Variants in INSR observed in about 807,000 individuals in gnomAD.
INSR encodes IR.
INSR carries 67 observed loss-of-function variants against 142.6 expected under a neutral mutation model. That is an observed-to-expected ratio of 0.47 (90% CI 0.39 to 0.58). The LOEUF (loss-of-function observed/expected upper bound fraction) is 0.58. Among genes scored for constraint, INSR ranks in the 20% least tolerant of loss-of-function variants. INSR has a pLI of 0.00. For missense variants in INSR, 1,248 were observed against 1,833.2 expected (o/e 0.68, Z 5.83); for synonymous variants, 756 against 743.1 (o/e 1.02, Z -0.28).
chr19:7,192,518 G>A lies in INSR; in HGVS notation c.653-7881C>T, dbSNP rs1974631077. ...CTGATCCCCCTCATTGACACGTAAT[G>A]AGCCCAAGTGTCCGTTCCTGCCCAA... is the stretch of plus-strand genomic sequence containing the variant. On this transcript the variant is annotated intron_variant, in intron 2 of 21. Transcript: ENST00000302850. The surrounding 1 kb of genome is among the most constrained non-coding windows in gnomAD (Gnocchi z 4.2). 6.6e-6 allele frequency among the ~76,000 whole-genome samples: 1 copy of A among 152,094 alleles called. No individual in the cohort carries two copies.
intron 11 of INSR, among the ~76,000 whole-genome samples, chr19:7,146,236 C>CTTTTTTTTTTTT (rs35961932): frequency 9.0e-6 from 1 of 110,728 alleles, no homozygotes; most frequent in Admixed American, 9.3e-5. Flanking sequence ...TTGTCAAGTT[C>CTTTTTTTTTTTT]TTTTTTTTTT....
chr19:7,291,871 C>G (rs1968500673), intron 1 of INSR, among the ~76,000 whole-genome samples: 1 of 152,158 alleles, frequency 6.6e-6, no homozygotes, highest in Non-Finnish European at 1.5e-5. Context: ...TGGCTCACTG[C>G]AAGCTCCGCC....
intron 2 of INSR, among the ~76,000 whole-genome samples, chr19:7,247,472 T>TCC (rs1308673626): frequency 3.3e-5 from 5 of 152,124 alleles, no homozygotes; most frequent in Non-Finnish European, 4.4e-5. Flanking sequence ...CCCAAGCCAC[T>TCC]CCTTCCTCTC....
At chr19:7,236,241 C>A (rs914239518) in intron 2 of INSR, among the ~76,000 whole-genome samples, 1 of 152,090 alleles carries the variant, frequency 6.6e-6, no homozygotes, top group Non-Finnish European at 1.5e-5. Context: ...GGATTACAAG[C>A]ATGAGCCACC....
chr19:7,187,663 C>T (rs756428219), intron 2 of INSR, among the ~76,000 whole-genome samples: 15 of 152,092 alleles, frequency 9.9e-5, no homozygotes, highest in African/African-American at 1.2e-4. Flanking sequence ...GCCTCAATCT[C>T]CTGGGCTCAG....
intron 21 of INSR, among the ~76,000 whole-genome samples, chr19:7,118,446 T>C (rs1972392837): frequency 6.6e-6 from 1 of 151,660 alleles, no homozygotes; most frequent in Non-Finnish European, 1.5e-5. Context: ...GCCTCCTGAG[T>C]AGCTGGGATT....
At chr19:7,251,534 T>C (rs1039799473) in intron 2 of INSR, among the ~76,000 whole-genome samples, 2 of 151,932 alleles carry the variant, frequency 1.3e-5, no homozygotes, top group Non-Finnish European at 2.9e-5. Context: ...GTGCTGAGAT[T>C]ACAGGCATGA....
chr19:7,116,974 A>T lies in INSR; in HGVS notation c.*82T>A. 1 of 1,034,800 alleles carries T rather than the reference A, an allele frequency of 9.7e-7. No homozygotes were observed. The highest frequency in any genetic ancestry group is 1.5e-6 in the Non-Finnish European group (1 of 651,538). 64.1% of individuals were successfully genotyped at this position (1,034,800 alleles called of 1,614,324 possible). On this transcript the variant is annotated 3_prime_UTR_variant, in exon 22 of 22. Transcript: ENST00000302850. ...CCATTGGACATGGTAGAGTCGTGAGAATCCTGAGTTTTCCAGAGGCTTTCA... is the reference window on the plus strand; with the variant it reads ...CCATTGGACATGGTAGAGTCGTGAGTATCCTGAGTTTTCCAGAGGCTTTCA...
At chr19:7,193,353 A>C (rs1295916232) in intron 2 of INSR, among the ~76,000 whole-genome samples, 1 of 152,018 alleles carries the variant, frequency 6.6e-6, no homozygotes, top group Non-Finnish European at 1.5e-5. Flanking sequence ...CTCCACGAAA[A>C]ATATAAAAAT....
intron 2 of INSR, among the ~76,000 whole-genome samples, chr19:7,186,665 T>C (rs1974439533): frequency 1.3e-5 from 2 of 152,108 alleles, no homozygotes; most frequent in Non-Finnish European, 2.9e-5. Flanking sequence ...CCTCCCCAAC[T>C]CCTGGCACCT....
chr19:7,203,435 A>T (rs1402737649), intron 2 of INSR, among the ~76,000 whole-genome samples: 1 of 152,154 alleles, frequency 6.6e-6, no homozygotes, highest in Non-Finnish European at 1.5e-5. Flanking sequence ...GAGAGAGAGA[A>T]CCGCAGCCTC....
In INSR at chr19:7,216,613, G is replaced by T. The variant is rs1217119053; in HGVS notation, c.653-31976C>A. 6.6e-6 allele frequency among the ~76,000 whole-genome samples: 1 copy of T among 152,138 alleles called. No homozygotes were observed. Among genetic ancestry groups the T allele is most frequent in the Non-Finnish European group, 1.5e-5 (1 of 68,022 alleles). On this transcript the variant is annotated intron_variant, in intron 2 of 21. Transcript: ENST00000302850. This position sits in a 1 kb window ranked among gnomAD's most constrained non-coding sequence, Gnocchi z 4.2. ...CCACGGTGTAATGGAGCCACTGCAG[G>T]TGTCCCCAGAAGCCACAGCAAGGCC... is the stretch of plus-strand genomic sequence containing the variant.
chr19:7,153,165 A>ACAC (rs1555740940), intron 9 of INSR, among the ~76,000 whole-genome samples: 1 of 16,190 alleles, frequency 6.2e-5, no homozygotes, highest in Non-Finnish European at 1.6e-4. Flanking sequence ...CACCACACAT[A>ACAC]CACACACCAC....
Position 7,163,059 on chromosome 19 carries a change from G to A in INSR, c.2002C>T (p.Leu668=). 1 of 1,613,826 alleles carries A rather than the reference G, an allele frequency of 6.2e-7. No individual in the cohort carries two copies. Among genetic ancestry groups the A allele is most frequent in the Non-Finnish European group, 8.5e-7 (1 of 1,179,956 alleles). The change falls in exon 9 of 22, where the codon CTG becomes TTG. Residue 668 remains leucine, a synonymous_variant. Coordinates refer to ENST00000302850, the MANE Select transcript of INSR (RefSeq NM_000208.4). ...TTGAGGCAATAATCCAGCTCGAACA[G>A]CTCACTGTCTTCCGCCTGCCTCTCC... ...FWERQAEDSE[L]FELDYCLKGL...
chr19:7,173,680 C>T (rs1187931131), intron 4 of INSR, among the ~76,000 whole-genome samples: 4 of 125,656 alleles, frequency 3.2e-5, no homozygotes, highest in African/African-American at 9.6e-5. Context: ...AGTGCAGTGG[C>T]GCGATCCCAG....
chr19:7,154,666 G>C (rs1232877957), intron 9 of INSR, among the ~76,000 whole-genome samples: 1 of 149,734 alleles, frequency 6.7e-6, no homozygotes, highest in Non-Finnish European at 1.5e-5. Context: ...GCTCACTCCT[G>C]TAATCCCAGC....
chr19:7,142,897 C>T lies in INSR; in HGVS notation c.2461G>A (p.Glu821Lys), dbSNP rs1471585411. Residue 821 changes from glutamate (E) to lysine (K), a missense_variant, in exon 12 of 22, where the codon GAG (glutamate) becomes AAG (lysine). Coordinates refer to ENST00000302850, the MANE Select transcript of INSR (RefSeq NM_000208.4). ...GLRHFTGYRI[E>K]LQACNQDTPE... ...GTGTCCTGGTTGCAAGCCTGCAGCT[C>T]GATGCGATAGCCCGTGAAGTGTCGC... 3 of 1,613,928 alleles carry T rather than the reference C, an allele frequency of 1.9e-6. No individual in the cohort carries two copies. The highest frequency in any genetic ancestry group is 2.5e-6 in the Non-Finnish European group (3 of 1,180,022).
chr19:7,264,510 C>A (rs1310935856), intron 2 of INSR, among the ~76,000 whole-genome samples: 4 of 121,108 alleles, frequency 3.3e-5, no homozygotes, highest in African/African-American at 1.4e-4. Flanking sequence ...GCTTTTCAAA[C>A]AAGCACTACA....
rs757231052 is a variant in INSR at position 7,267,388 on chromosome 19, C to T, written c.609G>A (p.Gly203=). ...KTNCPATVIN[G]QFVERCWTHS... is the part of the protein sequence containing the mutation. ...GAGTCCAACATCGTTCGACAAACTGCCCGTTGATGACGGTGGCGGGGCAGT... is the reference window on the plus strand; with the variant it reads ...GAGTCCAACATCGTTCGACAAACTGTCCGTTGATGACGGTGGCGGGGCAGT... The change falls in exon 2 of 22, where the codon GGG becomes GGA. Residue 203 remains glycine, a synonymous_variant. Transcript: ENST00000302850. The surrounding 1 kb of genome is among the most constrained non-coding windows in gnomAD (Gnocchi z 6.3). 35 of 1,614,098 alleles carry T rather than the reference C, an allele frequency of 2.2e-5. No individual in the cohort carries two copies. The South Asian group carries it at 3.4e-4, about 16-fold the overall frequency.
Sources: gnomAD v4.1 joint callset for allele counts (sites outside exome capture counted in the v4.1 genomes callset) on GRCh38, gnomAD v4.1.1 for gene constraint, Gnocchi (gnomAD v3.1) non-coding constraint, MANE v1.5 for transcripts, NCBI Gene and HGNC (gene_info 2026-07-23, HGNC 2026-07-21) for gene names.